Variants in DGKB observed in about 807,000 individuals in gnomAD.
DGKB encodes 90 kDa diacylglycerol kinase.
In DGKB, 67 loss-of-function variants were observed where a neutral mutation model predicts 114.3. That is an observed-to-expected ratio of 0.59 (90% CI 0.48 to 0.72). The LOEUF is 0.72. Among genes scored for constraint, DGKB ranks in the 30% least tolerant of loss-of-function variants. The pLI is 0.00. For missense variants in DGKB, 907 were observed against 975.2 expected (o/e 0.93, Z 0.93); for synonymous variants, 398 against 323.1 (o/e 1.23, Z -2.49).
intron 2 of DGKB, among the ~76,000 whole-genome samples, chr7:14,822,333 G>T (rs1845061062): frequency 6.6e-6 from 1 of 152,060 alleles, no homozygotes; most frequent in Non-Finnish European, 1.5e-5. Context: ...ACATAATCCA[G>T]GAACCAGCCA....
chr7:14,374,057 C>T lies in DGKB; in HGVS notation c.1836-28666G>A, dbSNP rs542815297. Among the ~76,000 whole-genome samples the T allele has an allele frequency of 7.9e-5, 12 of 152,172 alleles. No individual in the cohort carries two copies. In the South Asian group the frequency reaches 2.5e-3, roughly 32 times the overall value. ...AGCTCATGCTCTCCTCTTCTCTTCTCCTCTTCCAATCTCTCTCTCTAGCCC... is the reference window on the plus strand; with the variant it reads ...AGCTCATGCTCTCCTCTTCTCTTCTTCTCTTCCAATCTCTCTCTCTAGCCC... On this transcript the variant is annotated intron_variant, in intron 21 of 25. Coordinates refer to ENST00000402815, the MANE Select transcript of DGKB (RefSeq NM_001350709.2).
At chr7:14,574,175 T>G (rs747920377) in intron 20 of DGKB, 37 bp downstream of exon 20, 4 of 1,571,802 alleles carry the variant, frequency 2.5e-6, no homozygotes, top group African/African-American at 1.4e-5. Context: ...GATTATACAG[T>G]ACAGGTACAA....
intron 14 of DGKB, among the ~76,000 whole-genome samples, chr7:14,627,272 G>A (rs934584057): frequency 1.1e-4 from 16 of 152,026 alleles, no homozygotes; most frequent in African/African-American, 2.9e-4. Context: ...TTTGGGAGAC[G>A]GGGGACAACA....
intron 5 of DGKB, 42 bp from the exon 6 acceptor site, chr7:14,718,727 G>C (rs370600570): frequency 6.9e-7 from 1 of 1,439,236 alleles, no homozygotes; most frequent in Non-Finnish European, 9.6e-7. Flanking sequence ...ATTATTTACA[G>C]TGATCTCAAA....
At chr7:14,632,159 C>T (rs908334053) in intron 13 of DGKB, among the ~76,000 whole-genome samples, 44 of 151,628 alleles carry the variant, frequency 2.9e-4, no homozygotes, top group African/African-American at 7.5e-4. Flanking sequence ...TTTACCATGC[C>T]CAAAAAGTAA....
intron 5 of DGKB, among the ~76,000 whole-genome samples, chr7:14,729,993 C>T (rs1176588702): frequency 6.6e-6 from 1 of 152,042 alleles, no homozygotes; most frequent in Non-Finnish European, 1.5e-5. Flanking sequence ...TCTTATAAAA[C>T]AATTAGGAAG....
chr7:14,958,094 T>C (rs1786617602), intron 1 of DGKB, among the ~76,000 whole-genome samples: 2 of 152,054 alleles, frequency 1.3e-5, no homozygotes. Flanking sequence ...AATTCTAGAT[T>C]GTTCTTATTC....
chr7:14,953,955 C>A (rs36895), intron 1 of DGKB, among the ~76,000 whole-genome samples: 18,375 of 152,102 alleles, frequency 0.12, 1,482 homozygotes, highest in Non-Finnish European at 0.18. Flanking sequence ...AATTCTGAGC[C>A]TTTCCCACCA....
At chr7:14,723,518 C>T (rs1829549655) in intron 5 of DGKB, among the ~76,000 whole-genome samples, 1 of 151,794 alleles carries the variant, frequency 6.6e-6, no homozygotes, top group African/African-American at 2.4e-5. Flanking sequence ...GGCTATACTA[C>T]TTTAAATATT....
chr7:14,530,534 C>T (rs895414052), intron 20 of DGKB, among the ~76,000 whole-genome samples: 3 of 151,378 alleles, frequency 2.0e-5, no homozygotes, highest in Non-Finnish European at 3.0e-5. Context: ...AGAGGTGAGG[C>T]TTGAAAATTG....
chr7:14,675,727 T>A (rs923768059), intron 12 of DGKB, among the ~76,000 whole-genome samples: 2 of 152,016 alleles, frequency 1.3e-5, no homozygotes, highest in African/African-American at 4.8e-5. Flanking sequence ...CATACTATCA[T>A]CTGTTAAACA....
intron 20 of DGKB, among the ~76,000 whole-genome samples, chr7:14,542,977 G>T (rs1793708363): frequency 6.6e-6 from 1 of 152,126 alleles, no homozygotes; most frequent in South Asian, 2.1e-4. Context: ...GAGATAAAGG[G>T]AAAGATATGG....
intron 23 of DGKB, among the ~76,000 whole-genome samples, chr7:14,328,470 C>A (rs1415167895): frequency 6.6e-6 from 1 of 151,942 alleles, no homozygotes; most frequent in Non-Finnish European, 1.5e-5. Context: ...ATAGACCTGT[C>A]TTCAACTCTG....
chr7:14,671,614 G>A (rs1026105297), intron 13 of DGKB, among the ~76,000 whole-genome samples: 8 of 152,104 alleles, frequency 5.3e-5, no homozygotes, highest in Non-Finnish European at 8.8e-5. Context: ...TATATAACTA[G>A]AGGTTGACAT....
intron 20 of DGKB, among the ~76,000 whole-genome samples, chr7:14,518,036 C>T (rs990718559): frequency 1.1e-4 from 17 of 152,070 alleles, no homozygotes; most frequent in African/African-American, 3.6e-4. Flanking sequence ...GCACTATTCA[C>T]AATAGCAAAG....
intron 1 of DGKB, among the ~76,000 whole-genome samples, chr7:14,938,597 A>T (rs1785393259): frequency 1.3e-5 from 2 of 148,766 alleles, no homozygotes; most frequent in African/African-American, 5.0e-5. Flanking sequence ...TTCTTGTATT[A>T]TTATTCTTTT....
At chr7:14,965,463 C>A (rs1787095169) in intron 1 of DGKB, among the ~76,000 whole-genome samples, 1 of 151,996 alleles carries the variant, frequency 6.6e-6, no homozygotes, top group South Asian at 2.1e-4. Context: ...GTGAAAATTG[C>A]TAACAGAAAC....
chr7:14,328,725 T>C (rs1809185682), intron 23 of DGKB, among the ~76,000 whole-genome samples: 1 of 152,018 alleles, frequency 6.6e-6, no homozygotes, highest in African/African-American at 2.4e-5. Context: ...TCAGCAGGTA[T>C]TTGAACTTTC....
intron 2 of DGKB, among the ~76,000 whole-genome samples, chr7:14,818,507 C>T (rs149894301): frequency 4.1e-4 from 62 of 152,250 alleles, no homozygotes; most frequent in African/African-American, 1.4e-3. Flanking sequence ...GTACCCTTTC[C>T]CTTCTGCTTC....
Sources: gnomAD v4.1 joint callset for allele counts (sites outside exome capture counted in the v4.1 genomes callset) on GRCh38, gnomAD v4.1.1 for gene constraint, MANE v1.5 for transcripts, NCBI Gene and HGNC (gene_info 2026-07-23, HGNC 2026-07-21) for gene names.